The following ARHGAP12 variants were observed in gnomAD, a reference collection of about 807,000 sequenced individuals.
ARHGAP12 encodes rho GTPase-activating protein 12.
In ARHGAP12, 64 loss-of-function variants were observed where a neutral mutation model predicts 108.6. The observed-to-expected ratio is 0.59, with a 90% CI of 0.48 to 0.73. The LOEUF is 0.73. Among genes scored for constraint, ARHGAP12 ranks in the 30% least tolerant of loss-of-function variants. ARHGAP12 has a pLI of 0.00. For synonymous variants in ARHGAP12, 312 were observed against 337.2 expected (o/e 0.93, Z 0.82); for missense variants, 940 against 1,005.9 (o/e 0.93, Z 0.89).
At position 31,814,372 on chromosome 10, in the gene ARHGAP12, G is replaced by C; in HGVS notation, c.1732-11C>G. On this transcript the variant is annotated splice_polypyrimidine_tract_variant and intron_variant, in intron 13 of 19. Coordinates refer to ENST00000344936, the MANE Select transcript of ARHGAP12 (RefSeq NM_018287.7). ...ATCAGTTTCTACTGCCTATTGGTTA[G>C]ATATTTCCCAAACACATATTACACT... 2 of 1,587,680 alleles carry C rather than the reference G, an allele frequency of 1.3e-6. No homozygotes were observed. Among genetic ancestry groups the C allele is most frequent in the Non-Finnish European group, 1.7e-6 (2 of 1,156,402 alleles).
At chr10:31,880,090 T>G (rs542154566) in intron 3 of ARHGAP12, among the ~76,000 whole-genome samples, 2 of 152,246 alleles carry the variant, frequency 1.3e-5, no homozygotes, top group Admixed American at 1.3e-4. Context: ...CTGTGCACGA[T>G]ACAAGGTACA....
chr10:31,839,408 A>G, intron 8 of ARHGAP12, 89 bp from the exon 9 acceptor site: 1 of 1,352,436 alleles, frequency 7.4e-7, no homozygotes, highest in Non-Finnish European at 1.0e-6. Context: ...TTCATCACTT[A>G]AAAATATGGT....
intron 3 of ARHGAP12, among the ~76,000 whole-genome samples, chr10:31,869,586 A>G (rs1837465106): frequency 6.6e-6 from 1 of 152,288 alleles, no homozygotes; most frequent in Middle Eastern, 3.4e-3. Flanking sequence ...TCCCCCCTAA[A>G]AAAAACAAAG....
rs1458459341 is a variant in ARHGAP12 at position 31,806,829 on chromosome 10, C to T, written c.*829G>A. 1 of 152,506 alleles carries T rather than the reference C, an allele frequency of 6.6e-6. No individual in the cohort carries two copies. Among genetic ancestry groups the T allele is most frequent in the Non-Finnish European group, 1.5e-5 (1 of 68,006 alleles). The allele number at this position is 152,506 out of a possible 1,614,324, so 9.4% of individuals were successfully genotyped here. The stretch of plus-strand genomic sequence containing the variant: ...TAGAATGTACTCTGAGACTATACAA[C>T]ACAATTATATACACAAGCTAAAGGA... On this transcript the variant is annotated 3_prime_UTR_variant, in exon 20 of 20. Transcript: ENST00000344936.
In ARHGAP12 at chr10:31,831,814, T is replaced by A. The variant is rs981750570; in HGVS notation, c.1387-14A>T. 6.7e-7 allele frequency: 1 copy of A among 1,493,778 alleles called. No homozygotes were observed. The highest frequency in any genetic ancestry group is 2.3e-5 in the East Asian group (1 of 42,924). The allele number at this position is 1,493,778 out of a possible 1,614,324, so 92.5% of individuals were successfully genotyped here. ...TTTCTCTTGATCCTATGGAACAGAG[T>A]AATACTGTTTATACAATCACATAGA... is the stretch of plus-strand genomic sequence containing the variant. On this transcript the variant is annotated splice_polypyrimidine_tract_variant and intron_variant, in intron 9 of 19. Coordinates refer to ENST00000344936, the MANE Select transcript of ARHGAP12 (RefSeq NM_018287.7).
chr10:31,908,027 A>T (rs944019293), intron 3 of ARHGAP12, 145 bp downstream of exon 3: 2 of 721,310 alleles, frequency 2.8e-6, no homozygotes, highest in East Asian at 5.8e-5. Flanking sequence ...CATATTTTCT[A>T]GATCTCTAAA....
intron 3 of ARHGAP12, among the ~76,000 whole-genome samples, chr10:31,871,546 C>T (rs538629692): frequency 1.6e-4 from 24 of 152,212 alleles, no homozygotes; most frequent in African/African-American, 5.1e-4. Flanking sequence ...CCATTTCTCC[C>T]GCCTCCCCTG....
chr10:31,849,256 C>T (rs1417309421), intron 6 of ARHGAP12, among the ~76,000 whole-genome samples: 1 of 152,106 alleles, frequency 6.6e-6, no homozygotes, highest in East Asian at 1.9e-4. Context: ...AATCCTCCTT[C>T]CTGTCTAATA....
intron 7 of ARHGAP12, among the ~76,000 whole-genome samples, chr10:31,842,678 G>A (rs1836312790): frequency 1.3e-5 from 2 of 152,006 alleles, no homozygotes; most frequent in African/African-American, 4.8e-5. Flanking sequence ...ATGCCATAGG[G>A]ATAGTTAATT....
At chr10:31,854,331 T>G in intron 4 of ARHGAP12, 125 bp from the exon 5 acceptor site, 1 of 864,408 alleles carries the variant, frequency 1.2e-6, no homozygotes, top group South Asian at 2.2e-5. Context: ...TCTGAATATT[T>G]GATTTTGAAA....
intron 12 of ARHGAP12, 101 bp downstream of exon 12, chr10:31,820,286 A>AACT (rs1835356818): frequency 1.2e-6 from 1 of 864,196 alleles, no homozygotes; most frequent in Non-Finnish European, 1.7e-6. Context: ...ACTTTGCCTT[A>AACT]ACTAGTCACA....
chr10:31,908,703 C>T lies in ARHGAP12; in HGVS notation c.153G>A (p.Trp51Ter). The T allele has an allele frequency of 6.2e-7, 1 of 1,614,126 alleles. No individual in the cohort carries two copies. The highest frequency in any genetic ancestry group is 8.5e-7 in the Non-Finnish European group (1 of 1,180,016). ...TGGAGTTTTCATCTGGCTTGACTTG[C>T]CACCAGTCATCATTGGTCTTTTTCA... Reference protein sequence around the residue: ...ILVKKTNDDWWQVKPDENSKA... With the variant: ...ILVKKTNDDW Residue 51 changes from tryptophan to a stop codon, truncating the protein, a stop_gained, in exon 3 of 20, where the codon TGG becomes TGA. Transcript: ENST00000344936. LOFTEE classifies it high-confidence loss of function.
chr10:31,827,136 A>G (rs1835646481), intron 10 of ARHGAP12, among the ~76,000 whole-genome samples: 1 of 152,170 alleles, frequency 6.6e-6, no homozygotes, highest in African/African-American at 2.4e-5. Flanking sequence ...CGCCTCACAC[A>G]GCATATGTAT....
chr10:31,928,199 C>T (rs1420072105), intron 1 of ARHGAP12, among the ~76,000 whole-genome samples: 1 of 151,608 alleles, frequency 6.6e-6, no homozygotes, highest in Admixed American at 6.6e-5. Flanking sequence ...CACACACACA[C>T]CCGCCTTTTG....
rs776720348 is a variant in ARHGAP12, at chr10:31,861,602, T to G, written c.741A>C (p.Gln247His). The change falls in exon 4 of 20, where the codon CAA (glutamine) becomes CAC (histidine). Residue 247 changes from glutamine to histidine, a missense_variant. Physicochemically the swap from Gln to His is conservative, Grantham distance 24. Transcript: ENST00000344936. ...RPDSPVYANL[Q>H]ELKISQSALP... is the part of the protein sequence containing the mutation. ...GAGCAGACTGGGATATTTTCAGTTC[T>G]TGAAGGTTAGCATAGACAGGAGAAT... The G allele has an allele frequency of 6.2e-7, 1 of 1,614,162 alleles. No individual in the cohort carries two copies. Among genetic ancestry groups the G allele is most frequent in the South Asian group, 1.1e-5 (1 of 91,072 alleles).
intron 11 of ARHGAP12, among the ~76,000 whole-genome samples, chr10:31,821,989 G>A (rs950597025): frequency 8.5e-5 from 13 of 152,106 alleles, no homozygotes; most frequent in Admixed American, 8.5e-4. Flanking sequence ...CATACACGCT[G>A]TAGATGGGTA....
intron 3 of ARHGAP12, among the ~76,000 whole-genome samples, chr10:31,907,459 T>C (rs1332050969): frequency 2.6e-5 from 3 of 113,928 alleles, no homozygotes; most frequent in Non-Finnish European, 6.0e-5. Context: ...ATCCTGTCTC[T>C]AAAAAAAAAA....
At chr10:31,889,559 A>AT (rs1180626063) in intron 3 of ARHGAP12, among the ~76,000 whole-genome samples, 1 of 148,854 alleles carries the variant, frequency 6.7e-6, no homozygotes, top group African/African-American at 2.5e-5. Context: ...CCACTTAAAA[A>AT]TTTTATCTTC....
At chr10:31,895,328 G>A (rs1838634050) in intron 3 of ARHGAP12, among the ~76,000 whole-genome samples, 1 of 152,290 alleles carries the variant, frequency 6.6e-6, no homozygotes, top group African/African-American at 2.4e-5. Flanking sequence ...CAGAATGGGA[G>A]AAAATTTGTG....
Sources: allele counts gnomAD v4.1 joint callset (sites outside exome capture counted in the v4.1 genomes callset), GRCh38; gene constraint gnomAD v4.1.1; transcripts MANE v1.5; gene names NCBI Gene and HGNC (gene_info 2026-07-23, HGNC 2026-07-21).